SPPL2B: variants seen among roughly 807,000 people sequenced by gnomAD.
SPPL2B encodes signal peptide peptidase-like 2B.
Under a neutral mutation model 59.7 loss-of-function variants are expected in SPPL2B, and 39 were observed. The observed-to-expected ratio is 0.65, with a 90% CI of 0.51 to 0.85. The LOEUF is 0.85. Ranked by LOEUF, SPPL2B falls within the 40% of genes least tolerant of loss-of-function variation. The pLI is 0.00. For missense variants in SPPL2B, 865 were observed against 849.0 expected (o/e 1.02, Z -0.23); for synonymous variants, 419 against 370.8 (o/e 1.13, Z -1.49).
intron 13 of SPPL2B, among the ~76,000 whole-genome samples, chr19:2,348,763 TCA>T (rs1355314967): frequency 1.5e-3 from 146 of 100,478 alleles, no homozygotes; most frequent in African/African-American, 2.0e-3. Context: ...CCACACACAC[TCA>T]CGCGCTCTCA....
chr19:2,343,020 G>A, intron 8 of SPPL2B, 191 bp from the exon 9 acceptor site: 1 of 594,274 alleles, frequency 1.7e-6, no homozygotes, highest in South Asian at 1.9e-5. Flanking sequence ...TGTGCCGCCA[G>A]CCCTGCTGGA....
chr19:2,329,383 G>A (rs1260879603), intron 1 of SPPL2B, among the ~76,000 whole-genome samples: 1 of 152,240 alleles, frequency 6.6e-6, no homozygotes, highest in African/African-American at 2.4e-5. Flanking sequence ...GGATTCTGGA[G>A]GTTCTGTCCA....
chr19:2,344,772 C>CA, intron 12 of SPPL2B, 120 bp downstream of exon 12: 1 of 710,502 alleles, frequency 1.4e-6, no homozygotes, highest in South Asian at 1.6e-5. Flanking sequence ...CCCTGAGGGT[C>CA]AGAGTCGGGC....
chr19:2,343,273 T>C lies in SPPL2B; in HGVS notation c.1019T>C (p.Ile340Thr). The stretch of plus-strand genomic sequence containing the variant: ...TTCTGCCTCTACATGCTGAAGACCA[T>C]CCGTCTGCCCACCTTCAAGGTGAGT... ...IAFCLYMLKT[I>T]RLPTFKACTL... The change falls in exon 9 of 15, where the codon ATC becomes ACC. Residue 340 changes from isoleucine to threonine, a missense_variant. Coordinates refer to ENST00000613503, the MANE Select transcript of SPPL2B (RefSeq NM_152988.3). The C allele has an allele frequency of 6.4e-7, 1 of 1,554,218 alleles. No homozygotes were observed. Among genetic ancestry groups the C allele is most frequent in the Non-Finnish European group, 8.7e-7 (1 of 1,148,484 alleles).
At chr19:2,345,186 C>T in intron 12 of SPPL2B, 67 bp from the exon 13 acceptor site, 1 of 1,435,872 alleles carries the variant, frequency 7.0e-7, no homozygotes, top group Non-Finnish European at 9.7e-7. Context: ...TGCCCGCCCG[C>T]TCCCAGGAAG....
intron 8 of SPPL2B, chr19:2,342,913 G>A (rs1051642558): frequency 2.1e-5 from 8 of 384,402 alleles, no homozygotes; most frequent in African/African-American, 6.1e-5. Context: ...GACAGCGACC[G>A]AGGAGACGCA....
intron 1 of SPPL2B, among the ~76,000 whole-genome samples, chr19:2,331,438 C>G (rs964878038): frequency 2.6e-5 from 4 of 152,148 alleles, no homozygotes; most frequent in Non-Finnish European, 5.9e-5. Context: ...TTCGGTGGGC[C>G]TGTCTAGAAC....
intron 2 of SPPL2B, among the ~76,000 whole-genome samples, chr19:2,336,873 G>C (rs1194992983): frequency 6.7e-6 from 1 of 150,078 alleles, no homozygotes; most frequent in South Asian, 2.1e-4. Context: ...CTGTGGGTGT[G>C]TGCGTGTGCA....
intron 13 of SPPL2B, among the ~76,000 whole-genome samples, chr19:2,348,801 C>G (rs1228338918): frequency 2.7e-5 from 4 of 147,674 alleles, no homozygotes; most frequent in African/African-American, 1.0e-4. Flanking sequence ...TCTCTCCCTC[C>G]ACACACACTC....
Position 2,339,177 on chromosome 19 carries a change from G to A in SPPL2B, c.568G>A (p.Gly190Ser), listed in dbSNP as rs762401882. ...GGCTGTGGGCACCGTCGCCATCGGC[G>A]GCTACTGGGCCGGGAGTCGGGACGT... is the stretch of plus-strand genomic sequence containing the variant. ...IMAVGTVAIG[G>S]YWAGSRDVKK... The change falls in exon 5 of 15, where the codon GGC (glycine) becomes AGC (serine). Residue 190 changes from glycine (G) to serine (S), a missense_variant. Coordinates refer to ENST00000613503, the MANE Select transcript of SPPL2B (RefSeq NM_152988.3). The A allele has an allele frequency of 1.1e-5, 17 of 1,604,852 alleles. No homozygotes were observed. In the Admixed American group the frequency reaches 1.7e-4, roughly 16 times the overall value.
intron 9 of SPPL2B, 48 bp downstream of exon 9, chr19:2,343,340 C>T: frequency 6.9e-7 from 1 of 1,450,484 alleles, no homozygotes; most frequent in Non-Finnish European, 9.5e-7. Flanking sequence ...GTAGTGGGGG[C>T]CCTTCATCCT....
Position 2,339,902 on chromosome 19 carries a change from C to G in SPPL2B, c.678C>G (p.Thr226=). The change falls in exon 6 of 15, where the codon ACC becomes ACG. Residue 226 remains threonine (T), a synonymous_variant. Transcript: ENST00000613503. ...DEAVDVTPVM[T]CVFVVMCCSM... ...CGGTGGACGTGACGCCGGTGATGACCTGCGTGTTTGTGGTGATGTGCTGCT... is the reference window on the plus strand; with the variant it reads ...CGGTGGACGTGACGCCGGTGATGACGTGCGTGTTTGTGGTGATGTGCTGCT... 2 of 1,581,868 alleles carry G rather than the reference C, an allele frequency of 1.3e-6. No individual in the cohort carries two copies. Among genetic ancestry groups the G allele is most frequent in the Non-Finnish European group, 1.7e-6 (2 of 1,163,930 alleles).
chr19:2,347,757 C>CCT, intron 13 of SPPL2B, among the ~76,000 whole-genome samples: 1 of 65,466 alleles, frequency 1.5e-5, no homozygotes, highest in Admixed American at 1.3e-4. Flanking sequence ...ATTCCGTTCT[C>CCT]TCTCCACACA....
chr19:2,344,799 GGCCTGGGTGCCTGGGCAGCGAGGGCATT>G, intron 12 of SPPL2B, 147 bp downstream of exon 12: 1 of 654,704 alleles, frequency 1.5e-6, no homozygotes, highest in Non-Finnish European at 2.7e-6. Context: ...GGGCCGTTGA[GGCCTGGGTGCCTGGGCAGCGAGGGCATT>G]GCCTGGGTGG....
rs529252797 is a variant in SPPL2B, at chr19:2,353,159, C to T, written c.1729C>T (p.Arg577Trp). ...EPGSPAESEG[R>W]DQAQPSPVTQ... Reference sequence around the variant, plus strand: ...TGGGAGCCCAGCTGAATCCGAGGGCCGGGACCAGGCCCAGCCGTCCCCGGT... The same window carrying T: ...TGGGAGCCCAGCTGAATCCGAGGGCTGGGACCAGGCCCAGCCGTCCCCGGT... The change falls in exon 15 of 15, where the codon CGG becomes TGG. Residue 577 changes from arginine (R) to tryptophan (W), a missense_variant. Transcript: ENST00000613503. 4.5e-5 allele frequency: 72 copies of T among 1,609,336 alleles called. No homozygotes were observed. The highest frequency in any genetic ancestry group is 3.8e-4 in the Admixed American group (23 of 59,844).
chr19:2,354,984 G>C lies in SPPL2B; in HGVS notation c.*1775G>C, dbSNP rs928198447. On this transcript the variant is annotated 3_prime_UTR_variant, in exon 15 of 15. Transcript: ENST00000613503. ...AGCGTCACTCCCATGGGCTCTGTGG[G>C]CCATGTGGTCCCTGTCACGCTTCTC... 3.5e-4 allele frequency among the ~76,000 whole-genome samples: 53 copies of C among 152,352 alleles called. No individual in the cohort carries two copies. Among genetic ancestry groups the C allele is most frequent in the African/African-American group, 1.3e-3 (53 of 41,584 alleles).
At chr19:2,335,667 CCCTGCCTCCTTTCCCACCGT>C (rs1386487565) in intron 2 of SPPL2B, among the ~76,000 whole-genome samples, 9 of 151,300 alleles carry the variant, frequency 5.9e-5, no homozygotes, top group Non-Finnish European at 1.3e-4. Context: ...ATCCCTCAGG[CCCTGCCTCCTTTCCCACCGT>C]ATCCCTCAGG....
At chr19:2,351,688 C>T in intron 14 of SPPL2B, 94 bp downstream of exon 14, 2 of 1,506,482 alleles carry the variant, frequency 1.3e-6, no homozygotes, top group Middle Eastern at 1.8e-4. Context: ...ACAGCCAGCC[C>T]TGCGGCCGCG....
At chr19:2,336,825 G>A (rs1024874228) in intron 2 of SPPL2B, among the ~76,000 whole-genome samples, 1 of 149,840 alleles carries the variant, frequency 6.7e-6, no homozygotes, top group African/African-American at 2.5e-5. Flanking sequence ...GCCTGGCTGC[G>A]GCTATGTGCG....
Sources: gnomAD v4.1 joint callset for allele counts (sites outside exome capture counted in the v4.1 genomes callset) on GRCh38, gnomAD v4.1.1 for gene constraint, MANE v1.5 for transcripts, NCBI Gene and HGNC (gene_info 2026-07-23, HGNC 2026-07-21) for gene names.